Variants in PRDM16 observed in about 807,000 individuals in gnomAD.
The protein encoded by PRDM16 is PR/SET domain 16, also known as histone-lysine N-methyltransferase PRDM16.
A neutral mutation model predicts 110.6 loss-of-function variants in PRDM16; 23 were observed. The observed-to-expected ratio is 0.21, with a 90% CI of 0.15 to 0.29. The LOEUF (loss-of-function observed/expected upper bound fraction) is 0.29, where lower values mean the gene tolerates loss of function less well. Among genes scored for constraint, PRDM16 ranks in the 10% least tolerant of loss-of-function variants. The pLI, the probability that PRDM16 is intolerant of heterozygous loss-of-function variation, is 1.00. For missense variants in PRDM16, 1,615 were observed against 1,794.3 expected, an observed-to-expected ratio of 0.90 and a Z score of 1.81; for synonymous variants, 799 against 781.8, an observed-to-expected ratio of 1.02 and a Z score of -0.37.
At chr1:3,129,960 A>G (rs919417102) in intron 1 of PRDM16, among the ~76,000 whole-genome samples, 3 of 152,122 alleles carry the variant, frequency 2.0e-5, no homozygotes, top group Non-Finnish European at 4.4e-5. Context: ...CACTGAGGGC[A>G]TCCAAAAGCG....
chr1:3,343,946 T>G (rs1642317744), intron 3 of PRDM16, among the ~76,000 whole-genome samples: 1 of 152,300 alleles, frequency 6.6e-6, no homozygotes, highest in Middle Eastern at 3.4e-3. Flanking sequence ...CAGCCTGGTT[T>G]CAGTATATTT....
At chr1:3,178,198 T>A (rs1229356838) in intron 1 of PRDM16, among the ~76,000 whole-genome samples, 1 of 151,990 alleles carries the variant, frequency 6.6e-6, no homozygotes, top group East Asian at 1.9e-4. Flanking sequence ...TCACACCCAA[T>A]AAAAAAACGC....
intron 1 of PRDM16, among the ~76,000 whole-genome samples, chr1:3,146,548 G>A (rs1643659422): frequency 6.8e-6 from 1 of 146,730 alleles, no homozygotes; most frequent in African/African-American, 2.5e-5. Flanking sequence ...CGTGTGTTCG[G>A]TGTGGGGTGT....
intron 10 of PRDM16, among the ~76,000 whole-genome samples, chr1:3,415,327 G>A (rs887735222): frequency 5.3e-5 from 8 of 152,352 alleles, no homozygotes; most frequent in Middle Eastern, 3.4e-3. Context: ...GGCCCCTTCC[G>A]CAGCGCCATG....
chr1:3,347,555 G>C (rs914403660), intron 3 of PRDM16, among the ~76,000 whole-genome samples: 6 of 152,242 alleles, frequency 3.9e-5, no homozygotes, highest in South Asian at 2.1e-4. Context: ...AGGCAGTCAG[G>C]GGGTGGGGGT....
chr1:3,425,810 G>A lies in PRDM16; in HGVS notation c.3109+60G>A. 6.3e-7 allele frequency: 1 copy of A among 1,596,614 alleles called. No individual in the cohort carries two copies. On this transcript the variant is annotated intron_variant, in intron 13 of 16. Transcript: ENST00000270722. The surrounding 1 kb of genome is among the most constrained non-coding windows in gnomAD (Gnocchi z 6.9). Reference sequence around the variant, plus strand: ...CCCACACGGGCAGGCCCCACAGAGGGGGAGGGGGAACAGCAGGGGAGTGGG... The same window carrying A: ...CCCACACGGGCAGGCCCCACAGAGGAGGAGGGGGAACAGCAGGGGAGTGGG...
intron 1 of PRDM16, among the ~76,000 whole-genome samples, chr1:3,177,674 A>T (rs1345292703): frequency 1.3e-5 from 2 of 152,218 alleles, no homozygotes; most frequent in African/African-American, 4.8e-5. Flanking sequence ...TGATTGCTCC[A>T]AAGTTGCTCC....
intron 1 of PRDM16, among the ~76,000 whole-genome samples, chr1:3,132,656 G>A (rs138043575): frequency 1.2e-3 from 178 of 152,284 alleles, no homozygotes; most frequent in Non-Finnish European, 1.7e-3. Context: ...AGAGCCACCC[G>A]GTTCATACTG....
At position 3,245,136 on chromosome 1, in the gene PRDM16, G is replaced by A. The variant is rs888313996; in HGVS notation, c.438+999G>A. 6.6e-6 allele frequency among the ~76,000 whole-genome samples: 1 copy of A among 152,212 alleles called. No homozygotes were observed. Among genetic ancestry groups the A allele is most frequent in the Non-Finnish European group, 1.5e-5 (1 of 68,044 alleles). On this transcript the variant is annotated intron_variant, in intron 3 of 16. Transcript: ENST00000270722. The surrounding 1 kb of genome is among the most constrained non-coding windows in gnomAD (Gnocchi z 4.7). The stretch of plus-strand genomic sequence containing the variant: ...AGCCAGTGCTGAGTCAGTGCCTACC[G>A]AGTGCTGTTACAATTCTGTCAGAAT...
At chr1:3,287,949 G>A (rs1254055467) in intron 3 of PRDM16, among the ~76,000 whole-genome samples, 1 of 152,266 alleles carries the variant, frequency 6.6e-6, no homozygotes, top group African/African-American at 2.4e-5. Context: ...GCAGCTGCAT[G>A]GCCGCATTTC....
intron 3 of PRDM16, among the ~76,000 whole-genome samples, chr1:3,354,920 C>T (rs1352687242): frequency 1.3e-5 from 2 of 152,160 alleles, no homozygotes; most frequent in Non-Finnish European, 2.9e-5. Context: ...GCTACCTGGC[C>T]AGGTCTGCAC....
chr1:3,374,664 C>T (rs994342717), intron 3 of PRDM16, among the ~76,000 whole-genome samples: 2 of 152,202 alleles, frequency 1.3e-5, no homozygotes, highest in African/African-American at 2.4e-5. Context: ...GCTCTGCAAG[C>T]GGAGGCAGAG....
At chr1:3,391,900 G>C (rs1469782568) in intron 4 of PRDM16, among the ~76,000 whole-genome samples, 2 of 152,248 alleles carry the variant, frequency 1.3e-5, no homozygotes, top group Non-Finnish European at 1.5e-5. Flanking sequence ...GCAAATCGGG[G>C]TGCTGCCCCT....
intron 1 of PRDM16, among the ~76,000 whole-genome samples, chr1:3,102,091 C>T (rs1016742020): frequency 1.3e-5 from 2 of 152,348 alleles, no homozygotes; most frequent in African/African-American, 4.8e-5. Context: ...ATGCCCCGGC[C>T]ACAGCTAAGT....
At chr1:3,319,458 G>T (rs1641689707) in intron 3 of PRDM16, among the ~76,000 whole-genome samples, 1 of 152,194 alleles carries the variant, frequency 6.6e-6, no homozygotes, top group Non-Finnish European at 1.5e-5. Flanking sequence ...TGGGGAACAT[G>T]CCTTGCCTCC....
chr1:3,150,618 C>A (rs1343886631), intron 1 of PRDM16, among the ~76,000 whole-genome samples: 2 of 151,992 alleles, frequency 1.3e-5, no homozygotes, highest in Non-Finnish European at 2.9e-5. Context: ...AGTCTCTAGT[C>A]CAAACACAGA....
In PRDM16 at chr1:3,190,318, G is replaced by A. The variant is rs746641288; in HGVS notation, c.387+3844G>A. ...GCCTTACTTTAAGTGGGAGCTTTCC[G>A]TTAGCAACGCAGGAATGAGGCTGGG... On this transcript the variant is annotated intron_variant, in intron 2 of 16. Transcript: ENST00000270722. This position sits in a 1 kb window ranked among gnomAD's most constrained non-coding sequence, Gnocchi z 5.0. Among the ~76,000 whole-genome samples the A allele has an allele frequency of 2.6e-5, 4 of 152,168 alleles. No homozygotes were observed. Among genetic ancestry groups the A allele is most frequent in the Non-Finnish European group, 4.4e-5 (3 of 68,038 alleles).
At chr1:3,277,951 G>A (rs543041155) in intron 3 of PRDM16, among the ~76,000 whole-genome samples, 86 of 152,322 alleles carry the variant, frequency 5.6e-4, no homozygotes, top group Non-Finnish European at 1.1e-3. Context: ...CGTGAAGTCC[G>A]TGCATCCGGG....
chr1:3,338,259 T>G (rs72849605), intron 3 of PRDM16, among the ~76,000 whole-genome samples: 1,775 of 152,390 alleles, frequency 0.012, 42 homozygotes, highest in African/African-American at 0.04. Flanking sequence ...ATGCCAGGGC[T>G]TCCGTGGTCC....
Sources: allele counts gnomAD v4.1 joint callset (sites outside exome capture counted in the v4.1 genomes callset), GRCh38; gene constraint gnomAD v4.1.1; non-coding constraint Gnocchi (gnomAD v3.1); transcripts MANE v1.5; gene names NCBI Gene and HGNC (gene_info 2026-07-23, HGNC 2026-07-21).